The following KLF12 variants were observed in gnomAD, a reference collection of about 807,000 sequenced individuals.
KLF12 encodes the protein KLF transcription factor 12, also known as Krueppel-like factor 12.
KLF12 carries 9 observed loss-of-function variants against 37.8 expected under a neutral mutation model. The ratio of observed to expected loss-of-function variants is 0.24; its 90% CI spans 0.14 to 0.42. The LOEUF (loss-of-function observed/expected upper bound fraction) is 0.42. Ranked by LOEUF, KLF12 falls within the 10% of genes least tolerant of loss-of-function variation. The probability of loss-of-function intolerance (pLI) is 1.00; values close to 1 mark genes in which losing one functional copy is unlikely to be tolerated. For synonymous variants in KLF12, 208 were observed against 202.1 expected, an observed-to-expected ratio of 1.03 and a Z score of -0.25; for missense variants, 411 against 516.0, an observed-to-expected ratio of 0.80 and a Z score of 1.97.
the KLF12 span, among the ~76,000 whole-genome samples, chr13:74,245,443 T>C: frequency 6.6e-6 from 1 of 152,068 alleles, no homozygotes; most frequent in African/African-American, 2.4e-5. Flanking sequence ...AGAGAAATTG[T>C]TGCATGGAAA....
the KLF12 span, among the ~76,000 whole-genome samples, chr13:74,300,091 G>A: frequency 6.6e-6 from 1 of 152,060 alleles, no homozygotes; most frequent in East Asian, 1.9e-4. Context: ...TATGAGAGGA[G>A]CTAATTGGGC....
chr13:73,705,669 T>C (rs1412960183), intron 7 of KLF12, among the ~76,000 whole-genome samples: 1 of 151,336 alleles, frequency 6.6e-6, no homozygotes, highest in Admixed American at 6.6e-5. Context: ...AATTTTATAT[T>C]AGTAGTTAAT....
chr13:74,057,317 C>T (rs553527224), intron 1 of KLF12, among the ~76,000 whole-genome samples: 1 of 152,118 alleles, frequency 6.6e-6, no homozygotes, highest in Non-Finnish European at 1.5e-5. Context: ...GCGAGACAGA[C>T]ACAAAGCTGG....
At chr13:73,812,287 G>A (rs933078911) in intron 5 of KLF12, among the ~76,000 whole-genome samples, 1 of 150,870 alleles carries the variant, frequency 6.6e-6, no homozygotes, top group South Asian at 2.1e-4. Context: ...AGAAGAAGAA[G>A]AAATTCTTAG....
At chr13:74,189,493 C>T in the KLF12 span, among the ~76,000 whole-genome samples, 2 of 152,190 alleles carry the variant, frequency 1.3e-5, no homozygotes, top group African/African-American at 4.8e-5. Flanking sequence ...CAACAGCCCC[C>T]ATGATCAGTC....
intron 1 of KLF12, among the ~76,000 whole-genome samples, chr13:74,052,606 T>C (rs1443350301): frequency 6.6e-6 from 1 of 152,128 alleles, no homozygotes; most frequent in African/African-American, 2.4e-5. Flanking sequence ...TGACACATGA[T>C]TCAAAGGGAG....
chr13:74,167,273 G>A, the KLF12 span, among the ~76,000 whole-genome samples: 13 of 152,338 alleles, frequency 8.5e-5, no homozygotes, highest in Admixed American at 6.5e-4. Context: ...GGAGAGGAAA[G>A]CGTTGGAACA....
At chr13:74,287,349 T>TGAGAGAGAGAGATAGAGA in the KLF12 span, among the ~76,000 whole-genome samples, 22 of 71,896 alleles carry the variant, frequency 3.1e-4, no homozygotes, top group African/African-American at 1.1e-3. Context: ...CTATCAAAGT[T>TGAGAGAGAGAGATAGAGA]GAGAGAGAGA....
At chr13:73,792,636 G>T (rs1344700845) in intron 5 of KLF12, among the ~76,000 whole-genome samples, 2 of 152,108 alleles carry the variant, frequency 1.3e-5, no homozygotes, top group Non-Finnish European at 2.9e-5. Context: ...TCTATATCAT[G>T]ATCTGTATGA....
intron 4 of KLF12, among the ~76,000 whole-genome samples, chr13:73,835,972 T>A (rs1349355155): frequency 6.6e-6 from 1 of 152,148 alleles, no homozygotes; most frequent in Non-Finnish European, 1.5e-5. Context: ...CAGCTAGGAC[T>A]GGGAGATATT....
rs1009248578 is a variant in KLF12, at chr13:73,687,544, T to C, written c.*7946A>G. ...TGCCATGGGAAAACTAGAACACAAG[T>C]AGGGCAAAAGCACTTTTTATGATTT... is the stretch of plus-strand genomic sequence containing the variant. On this transcript the variant is annotated 3_prime_UTR_variant, in exon 8 of 8. Transcript: ENST00000377669. 3.3e-5 allele frequency: 5 copies of C among 152,136 alleles called. No homozygotes were observed. The highest frequency in any genetic ancestry group is 4.1e-4 in the South Asian group (2 of 4,822). The allele number at this position is 152,136 out of a possible 1,614,324, so 9.4% of individuals were successfully genotyped here.
intron 1 of KLF12, among the ~76,000 whole-genome samples, chr13:74,002,208 G>A (rs1287516994): frequency 1.3e-5 from 2 of 152,090 alleles, no homozygotes; most frequent in Admixed American, 1.3e-4. Context: ...TCAACACACA[G>A]CTAGCTGTCA....
intron 3 of KLF12, among the ~76,000 whole-genome samples, chr13:73,935,515 G>T (rs182998775): frequency 4.6e-5 from 7 of 152,244 alleles, no homozygotes; most frequent in Admixed American, 4.6e-4. Flanking sequence ...ATGGCTTGGT[G>T]TTGTCTTCAT....
the KLF12 span, among the ~76,000 whole-genome samples, chr13:74,211,917 C>A: frequency 6.6e-6 from 1 of 152,128 alleles, no homozygotes; most frequent in African/African-American, 2.4e-5. Context: ...ATTCACTGAT[C>A]TTTTGATATA....
At chr13:74,299,072 A>C in the KLF12 span, among the ~76,000 whole-genome samples, 2 of 152,224 alleles carry the variant, frequency 1.3e-5, no homozygotes, top group Non-Finnish European at 2.9e-5. Context: ...GTGCCCACAT[A>C]GGCCCATCTG....
intron 7 of KLF12, among the ~76,000 whole-genome samples, chr13:73,711,485 T>C (rs1875394290): frequency 6.6e-6 from 1 of 152,230 alleles, no homozygotes; most frequent in African/African-American, 2.4e-5. Context: ...CTGAAAATCC[T>C]AGGGCCCTTA....
At chr13:74,148,714 C>T in the KLF12 span, among the ~76,000 whole-genome samples, 1 of 152,108 alleles carries the variant, frequency 6.6e-6, no homozygotes, top group Non-Finnish European at 1.5e-5. Flanking sequence ...CCTTCTCTTG[C>T]CTTCCAGAGA....
intron 3 of KLF12, among the ~76,000 whole-genome samples, chr13:73,903,326 A>C (rs1888120433): frequency 6.6e-6 from 1 of 152,352 alleles, no homozygotes; most frequent in South Asian, 2.1e-4. Flanking sequence ...CCGAGTCTAA[A>C]GTCTTATTAA....
intron 5 of KLF12, among the ~76,000 whole-genome samples, chr13:73,805,571 C>T (rs1361009345): frequency 7.1e-6 from 1 of 141,598 alleles, no homozygotes; most frequent in Admixed American, 7.4e-5. Context: ...GATCATGCCA[C>T]TGCACTCTAA....
Sources: gnomAD v4.1 joint callset for allele counts (sites outside exome capture counted in the v4.1 genomes callset) on GRCh38, gnomAD v4.1.1 for gene constraint, MANE v1.5 for transcripts, NCBI Gene and HGNC (gene_info 2026-07-23, HGNC 2026-07-21) for gene names.